Variants in STK39 observed in about 807,000 individuals in gnomAD.
STK39 encodes the protein serine/threonine kinase 39, also known as STE20/SPS1-related proline-alanine-rich protein kinase.
In STK39, 20 loss-of-function variants were observed where a neutral mutation model predicts 77.8. That is an observed-to-expected ratio of 0.26 (90% CI 0.18 to 0.37). The LOEUF (loss-of-function observed/expected upper bound fraction) is 0.37. Ranked by LOEUF, STK39 falls within the 10% of genes least tolerant of loss-of-function variation. The probability of loss-of-function intolerance (pLI) is 1.00; values close to 1 mark genes in which losing one functional copy is unlikely to be tolerated. For missense variants in STK39, 479 were observed against 656.5 expected (o/e 0.73, Z 2.95); for synonymous variants, 246 against 234.1 (o/e 1.05, Z -0.47).
At chr2:168,169,522 G>C (rs1033285514) in intron 2 of STK39, among the ~76,000 whole-genome samples, 4 of 152,088 alleles carry the variant, frequency 2.6e-5, no homozygotes, top group Admixed American at 1.3e-4. Flanking sequence ...CTTTTACATT[G>C]AAGGCAAGGT....
At chr2:167,968,898 T>C (rs1692238952) in intron 16 of STK39, among the ~76,000 whole-genome samples, 1 of 152,194 alleles carries the variant, frequency 6.6e-6, no homozygotes, top group Non-Finnish European at 1.5e-5. Context: ...AATAAAAGAT[T>C]CACCCCATTA....
At chr2:168,173,796 G>A (rs1425921227) in intron 2 of STK39, among the ~76,000 whole-genome samples, 1 of 152,112 alleles carries the variant, frequency 6.6e-6, no homozygotes, top group Non-Finnish European at 1.5e-5. Flanking sequence ...TGATCCACCT[G>A]CCTCAGCCTC....
intron 17 of STK39, 53 bp downstream of exon 17, chr2:167,964,609 C>T: frequency 1.4e-6 from 2 of 1,465,236 alleles, no homozygotes; most frequent in African/African-American, 1.4e-5. Context: ...TTATTCCCTG[C>T]TGGCACAGCA....
intron 14 of STK39, among the ~76,000 whole-genome samples, chr2:168,048,115 C>A (rs1339321042): frequency 7.4e-6 from 1 of 134,788 alleles, no homozygotes; most frequent in African/African-American, 2.7e-5. Context: ...CTAGTTATTC[C>A]ATGCAGCCAA....
intron 14 of STK39, among the ~76,000 whole-genome samples, chr2:168,053,485 A>C (rs1227280705): frequency 6.6e-6 from 1 of 152,196 alleles, no homozygotes; most frequent in Non-Finnish European, 1.5e-5. Flanking sequence ...ATTATGGATG[A>C]TGTTATTTCT....
chr2:168,181,886 T>C, intron 2 of STK39, 92 bp downstream of exon 2: 2 of 1,064,104 alleles, frequency 1.9e-6, no homozygotes, highest in South Asian at 2.7e-5. Flanking sequence ...ATGTCAAAAC[T>C]GGAGATAACA....
intron 10 of STK39, among the ~76,000 whole-genome samples, chr2:168,085,428 G>A (rs1018088440): frequency 6.6e-6 from 1 of 152,160 alleles, no homozygotes; most frequent in African/African-American, 2.4e-5. Flanking sequence ...TATTCCTGCC[G>A]CATCCTGAGT....
chr2:168,068,827 G>A (rs1260173268), intron 12 of STK39, among the ~76,000 whole-genome samples: 1 of 152,132 alleles, frequency 6.6e-6, no homozygotes, highest in African/African-American at 2.4e-5. Flanking sequence ...AAAAGTGGAG[G>A]GAGAAGTTAA....
chr2:168,058,394 T>C (rs553037694), intron 14 of STK39, among the ~76,000 whole-genome samples: 183 of 152,316 alleles, frequency 1.2e-3, no homozygotes, highest in Non-Finnish European at 1.9e-3. Context: ...CTATGCAACA[T>C]CTGTGACAGT....
intron 1 of STK39, among the ~76,000 whole-genome samples, chr2:168,190,545 T>TG (rs1223451640): frequency 6.6e-6 from 1 of 152,242 alleles, no homozygotes; most frequent in Non-Finnish European, 1.5e-5. Context: ...CACTGGCCCC[T>TG]GCTCAGCATG....
At chr2:168,155,596 G>A (rs187297410) in intron 5 of STK39, among the ~76,000 whole-genome samples, 15 of 143,646 alleles carry the variant, frequency 1.0e-4, no homozygotes, top group Admixed American at 2.8e-4. Flanking sequence ...ATTTTCATGT[G>A]TATTCTATTT....
At chr2:168,077,176 T>C (rs985277128) in intron 10 of STK39, among the ~76,000 whole-genome samples, 1 of 152,260 alleles carries the variant, frequency 6.6e-6, no homozygotes, top group South Asian at 2.1e-4. Context: ...TTTACTAAAA[T>C]TGTAGAACCC....
rs113892839 is a variant in STK39, at chr2:168,095,434, G to C, written c.1090-20203C>G. ...CTCACTAAGGAAAGACCTCCAAAGA[G>C]GTCTAAAGAACAATCTTCAATTCTC... is the stretch of plus-strand genomic sequence containing the variant. On this transcript the variant is annotated intron_variant, in intron 10 of 17. Transcript: ENST00000355999. Among the ~76,000 whole-genome samples the C allele has an allele frequency of 7.9e-5, 12 of 152,068 alleles. 3 individuals are homozygous for C. The highest frequency in any genetic ancestry group is 2.7e-4 in the African/African-American group (11 of 41,492).
chr2:168,088,055 T>C (rs906060944), intron 10 of STK39, among the ~76,000 whole-genome samples: 2 of 122,394 alleles, frequency 1.6e-5, no homozygotes, highest in Non-Finnish European at 4.0e-5. Flanking sequence ...TAGGGATTAA[T>C]GACCCGAGAA....
intron 16 of STK39, among the ~76,000 whole-genome samples, chr2:167,997,267 T>C (rs1683870094): frequency 6.6e-6 from 1 of 151,990 alleles, no homozygotes; most frequent in South Asian, 2.1e-4. Context: ...CTCCATTCTC[T>C]GCCAGGAATC....
At chr2:168,115,307 G>T (rs919331610) in intron 10 of STK39, among the ~76,000 whole-genome samples, 1 of 152,244 alleles carries the variant, frequency 6.6e-6, no homozygotes. Context: ...ATGTGCATGG[G>T]TGTATACATA....
intron 17 of STK39, among the ~76,000 whole-genome samples, 171 bp from the exon 18 acceptor site, chr2:167,955,741 T>TAAGTGC (rs1691747236): frequency 6.6e-6 from 1 of 152,290 alleles, no homozygotes; most frequent in African/African-American, 2.4e-5. Context: ...TACTGGAAGC[T>TAAGTGC]AAGTGCTGTC....
intron 1 of STK39, among the ~76,000 whole-genome samples, chr2:168,225,531 A>G (rs1030210427): frequency 1.3e-5 from 2 of 152,180 alleles, no homozygotes; most frequent in African/African-American, 4.8e-5. Context: ...TTCGGGTATC[A>G]TTATTTCAGA....
chr2:167,964,750 A>G, intron 16 of STK39, 24 bp from the exon 17 acceptor site: 1 of 1,585,508 alleles, frequency 6.3e-7, no homozygotes, highest in Non-Finnish European at 8.6e-7. Context: ...ACGTAGAGAG[A>G]AAGTTTCCAG....
Sources: gnomAD v4.1 joint callset for allele counts (sites outside exome capture counted in the v4.1 genomes callset) on GRCh38, gnomAD v4.1.1 for gene constraint, MANE v1.5 for transcripts, NCBI Gene and HGNC (gene_info 2026-07-23, HGNC 2026-07-21) for gene names.